Variants in AFF1 observed in about 807,000 individuals in gnomAD.
AFF1 encodes ALF transcription elongation factor 1, also known as AF4/FMR2 family member 1.
A neutral mutation model predicts 121.7 loss-of-function variants in AFF1; 48 were observed. The ratio of observed to expected loss-of-function variants is 0.39; its 90% CI spans 0.31 to 0.50. AFF1 has a LOEUF of 0.50. AFF1 is among the 20% of genes least tolerant of loss of function. The pLI is 0.76. For synonymous variants in AFF1, 613 were observed against 563.0 expected (o/e 1.09, Z -1.26); for missense variants, 1,523 against 1,511.7 (o/e 1.01, Z -0.12).
rs113316557 is a variant in AFF1, at chr4:87,111,264, G to A, written c.1533+2949G>A. Among the ~76,000 whole-genome samples the A allele has an allele frequency of 3.6e-4, 10 of 28,034 alleles. 2 individuals carry two copies. Among genetic ancestry groups the A allele is most frequent in the Non-Finnish European group, 8.1e-4 (9 of 11,102 alleles). The allele number at this position is 28,034 out of a possible 152,430, so 18.4% of individuals were successfully genotyped here. On this transcript the variant is annotated intron_variant, in intron 11 of 20. Coordinates refer to ENST00000395146, the MANE Select transcript of AFF1 (RefSeq NM_001166693.3). Reference sequence around the variant, plus strand: ...GATCTCCTGACCTCGTGATCCGCCCGCCTCGGCCTCCCAAAGTGCTGGGAT... The same window carrying A: ...GATCTCCTGACCTCGTGATCCGCCCACCTCGGCCTCCCAAAGTGCTGGGAT...
At chr4:87,074,532 C>T (rs1343288797) in intron 4 of AFF1, among the ~76,000 whole-genome samples, 3 of 152,174 alleles carry the variant, frequency 2.0e-5, no homozygotes, top group Non-Finnish European at 4.4e-5. Flanking sequence ...CATTTACTGT[C>T]AAACAGTGGT....
rs561201783 is a variant in AFF1 at position 87,065,175 on chromosome 4, C to T, written c.1059+17581C>T. ...GGAAAGAGGTTTAGTGGAGAACTCA[C>T]AGTTCCACATGGAAGCCTCACAGTC... On this transcript the variant is annotated intron_variant, in intron 4 of 20. Transcript: ENST00000395146. 9.8e-5 allele frequency among the ~76,000 whole-genome samples: 15 copies of T among 152,302 alleles called. No individual in the cohort carries two copies. The South Asian group carries it at 2.9e-3, about 29-fold the overall frequency.
intron 2 of AFF1, among the ~76,000 whole-genome samples, chr4:87,039,287 C>T (rs1729872749): frequency 6.6e-6 from 1 of 152,168 alleles, no homozygotes; most frequent in Non-Finnish European, 1.5e-5. Context: ...CACATCCATC[C>T]CTACCCCCAA....
intron 2 of AFF1, among the ~76,000 whole-genome samples, chr4:86,953,270 A>G (rs1721502909): frequency 6.6e-6 from 1 of 152,192 alleles, no homozygotes; most frequent in Non-Finnish European, 1.5e-5. Flanking sequence ...AATACACACC[A>G]GTAGCTCACT....
At chr4:87,003,308 G>A (rs141007409) in intron 2 of AFF1, among the ~76,000 whole-genome samples, 67 of 152,198 alleles carry the variant, frequency 4.4e-4, no homozygotes, top group African/African-American at 1.5e-3. Context: ...CTGTCACCTA[G>A]GCTGGAGTTC....
intron 2 of AFF1, among the ~76,000 whole-genome samples, chr4:87,017,813 G>T (rs1168319606): frequency 6.6e-6 from 1 of 152,030 alleles, no homozygotes; most frequent in African/African-American, 2.4e-5. Flanking sequence ...GGTGTACTCC[G>T]ACTTCAGTTA....
intron 2 of AFF1, among the ~76,000 whole-genome samples, chr4:86,963,528 C>G (rs1560504741): frequency 1.3e-5 from 2 of 152,164 alleles, no homozygotes; most frequent in East Asian, 1.9e-4. Context: ...TGCATCTACT[C>G]TTTTTCATCC....
rs762922184 is a variant in AFF1, at chr4:87,135,626, C to A, written c.3582C>A (p.Asn1194Lys). 1 of 1,612,464 alleles carries A rather than the reference C, an allele frequency of 6.2e-7. No homozygotes were observed. The highest frequency in any genetic ancestry group is 1.3e-5 in the African/African-American group (1 of 75,026). Residue 1194 changes from asparagine (N) to lysine (K), a missense_variant, in exon 21 of 21, where the codon AAC becomes AAA. Around this residue, in one of 5 missense-constraint regions of AFF1, gnomAD observed 241 missense variants for 265.2 expected, o/e 0.91. Transcript: ENST00000395146. ...CAAATGTGTGCACCTTGGCCCTCAACAGCAGTTTGGTGGACCTGGTGCACT... is the reference window on the plus strand; with the variant it reads ...CAAATGTGTGCACCTTGGCCCTCAAAAGCAGTTTGGTGGACCTGGTGCACT... ...LSTNVCTLAL[N>K]SSLVDLVHYT...
intron 2 of AFF1, among the ~76,000 whole-genome samples, chr4:87,000,614 TGTG>T (rs1725624902): frequency 1.2e-5 from 1 of 83,542 alleles, no homozygotes; most frequent in Admixed American, 1.2e-4. Flanking sequence ...TCTGTGTGTG[TGTG>T]TGTGTGTGTG....
chr4:87,119,545 T>C (rs979036912), intron 12 of AFF1, among the ~76,000 whole-genome samples: 1 of 152,160 alleles, frequency 6.6e-6, no homozygotes, highest in African/African-American at 2.4e-5. Flanking sequence ...CACTCCAGCA[T>C]GGGCAACAGA....
chr4:87,139,976 T>C lies in AFF1; in HGVS notation c.*4275T>C. The C allele has an allele frequency of 4.7e-6, 1 of 211,492 alleles. No individual in the cohort carries two copies. Among genetic ancestry groups the C allele is most frequent in the Non-Finnish European group, 9.6e-6 (1 of 104,292 alleles). 13.1% of individuals were successfully genotyped at this position (211,492 alleles called of 1,614,324 possible). On this transcript the variant is annotated 3_prime_UTR_variant, in exon 21 of 21. Coordinates refer to ENST00000395146, the MANE Select transcript of AFF1 (RefSeq NM_001166693.3). Reference sequence around the variant, plus strand: ...TAAATTTCTTACTGTCAGGAGGAAATGACATTATATTCTGTTCCACTGAAC... The same window carrying C: ...TAAATTTCTTACTGTCAGGAGGAAACGACATTATATTCTGTTCCACTGAAC...
At chr4:87,132,447 G>A (rs748190791) in intron 19 of AFF1, 39 bp downstream of exon 19, 12 of 1,553,100 alleles carry the variant, frequency 7.7e-6, no homozygotes, top group Non-Finnish European at 9.5e-6. Flanking sequence ...CCAGAATTGA[G>A]TCATTTCTTT....
intron 2 of AFF1, among the ~76,000 whole-genome samples, chr4:87,009,807 A>G (rs2149533886): frequency 6.6e-6 from 1 of 152,332 alleles, no homozygotes; most frequent in Middle Eastern, 3.4e-3. Context: ...CCAAAACATC[A>G]CCTGTGATGT....
At position 86,938,681 on chromosome 4, in the gene AFF1, A is replaced by G. The variant is rs568039177; in HGVS notation, c.-37+3441A>G. 2.0e-5 allele frequency among the ~76,000 whole-genome samples: 3 copies of G among 152,350 alleles called. No individual in the cohort carries two copies. In the South Asian group the frequency reaches 6.2e-4, roughly 32 times the overall value. On this transcript the variant is annotated intron_variant, in intron 1 of 20. Coordinates refer to ENST00000395146, the MANE Select transcript of AFF1 (RefSeq NM_001166693.3). Reference sequence around the variant, plus strand: ...ATTACATAAACTCTGTAATCCATTTATTAAAATTCTACCACAGCATGGAAA... The same window carrying G: ...ATTACATAAACTCTGTAATCCATTTGTTAAAATTCTACCACAGCATGGAAA...
chr4:87,043,162 G>T (rs1026492380), intron 2 of AFF1, among the ~76,000 whole-genome samples: 4 of 152,180 alleles, frequency 2.6e-5, no homozygotes, highest in Admixed American at 2.6e-4. Flanking sequence ...GCCCTGTGAA[G>T]CGGAGCCTAA....
chr4:87,098,693 T>A (rs1725119331), intron 8 of AFF1, among the ~76,000 whole-genome samples: 1 of 152,252 alleles, frequency 6.6e-6, no homozygotes, highest in African/African-American at 2.4e-5. Context: ...TTTCTTGTTT[T>A]TGGCCTCTGA....
intron 5 of AFF1, among the ~76,000 whole-genome samples, chr4:87,085,483 A>C (rs1300750723): frequency 6.6e-6 from 1 of 150,562 alleles, no homozygotes. Flanking sequence ...AATAAATGTG[A>C]CTGTTAATTT....
intron 2 of AFF1, among the ~76,000 whole-genome samples, chr4:87,000,695 G>A (rs1725637954): frequency 6.7e-6 from 1 of 150,040 alleles, no homozygotes; most frequent in Non-Finnish European, 1.5e-5. Context: ...TAAGTAATTG[G>A]TATAATTGTA....
At chr4:87,111,809 C>T (rs1726570152) in intron 11 of AFF1, among the ~76,000 whole-genome samples, 1 of 152,172 alleles carries the variant, frequency 6.6e-6, no homozygotes, top group Non-Finnish European at 1.5e-5. Flanking sequence ...CAATTTTACC[C>T]TCAAATTGGG....
Sources: gnomAD v4.1 joint callset for allele counts (sites outside exome capture counted in the v4.1 genomes callset) on GRCh38, gnomAD v4.1.1 for gene constraint, gnomAD v4.1.1 regional missense constraint, MANE v1.5 for transcripts, NCBI Gene and HGNC (gene_info 2026-07-23, HGNC 2026-07-21) for gene names.